Variants in LRRC45 observed in about 807,000 individuals in gnomAD.
LRRC45 encodes leucine rich repeat containing 45.
In LRRC45, 73 loss-of-function variants were observed where a neutral mutation model predicts 85.4. That is an observed-to-expected ratio of 0.85 (90% CI 0.71 to 1.04). The LOEUF is 1.04. Among genes scored for constraint, LRRC45 ranks in the 50% least tolerant of loss-of-function variants. The pLI is 0.00. For missense variants in LRRC45, 937 were observed against 883.3 expected (o/e 1.06, Z -0.77); for synonymous variants, 429 against 386.0 (o/e 1.11, Z -1.31).
At position 82,024,685 on chromosome 17, in the gene LRRC45, T is replaced by C; in HGVS notation, c.283-8T>C. ...ACGCGAGTGACTACCGGCCTGTTTCTCTCCTAGGGCAACAACCTTCGGGCT... is the reference window on the plus strand; with the variant it reads ...ACGCGAGTGACTACCGGCCTGTTTCCCTCCTAGGGCAACAACCTTCGGGCT... On this transcript the variant is annotated splice_polypyrimidine_tract_variant and splice_region_variant and intron_variant, in intron 2 of 16. Transcript: ENST00000306688. 2.5e-6 allele frequency: 4 copies of C among 1,569,152 alleles called. No individual in the cohort carries two copies. Among genetic ancestry groups the C allele is most frequent in the Non-Finnish European group, 3.4e-6 (4 of 1,161,528 alleles).
In LRRC45 at chr17:82,026,707, T is replaced by C. The variant is rs1332632420; in HGVS notation, c.662-192T>C. On this transcript the variant is annotated intron_variant, in intron 5 of 16. Coordinates refer to ENST00000306688, the MANE Select transcript of LRRC45 (RefSeq NM_144999.4). The stretch of plus-strand genomic sequence containing the variant: ...GATTTTCCTGCCTCAGCCTCCCGAG[T>C]ACCTGGGATTACAGGTGTGCGCTAC... 2.3e-5 allele frequency: 10 copies of C among 429,500 alleles called. No homozygotes were observed. The East Asian group carries it at 4.9e-4, about 21-fold the overall frequency. 26.6% of individuals were successfully genotyped at this position (429,500 alleles called of 1,614,324 possible).
intron 5 of LRRC45, among the ~76,000 whole-genome samples, chr17:82,026,597 T>TGTGTGTGTGTGTGTGTGA (rs1362768818): frequency 6.6e-6 from 1 of 151,566 alleles, no homozygotes; most frequent in Non-Finnish European, 1.5e-5. Context: ...TGTGTGTGTG[T>TGTGTGTGTGTGTGTGTGA]GTGACTGAGT....
Position 82,024,339 on chromosome 17 carries a change from G to A in LRRC45, c.282G>A (p.Lys94=). 6.2e-7 allele frequency: 1 copy of A among 1,612,354 alleles called. No individual in the cohort carries two copies. Among genetic ancestry groups the A allele is most frequent in the Non-Finnish European group, 8.5e-7 (1 of 1,179,906 alleles). ...ANTVLRFLDL[K]GNNLRAAGAE... Reference sequence around the variant, plus strand: ...CCGTGCTGCGCTTTCTGGACTTAAAGGTGAGATACCTGCACTCTTGAGTGT... The same window carrying A: ...CCGTGCTGCGCTTTCTGGACTTAAAAGTGAGATACCTGCACTCTTGAGTGT... The change falls in exon 2 of 17, where the codon AAG becomes AAA. Residue 94 remains lysine, a splice_region_variant and synonymous_variant. Transcript: ENST00000306688.
Position 82,025,448 on chromosome 17 carries a change from C to A in LRRC45, c.602C>A (p.Thr201Asn), listed in dbSNP as rs2043360423. Residue 201 changes from threonine (T) to asparagine (N), a missense_variant, in exon 5 of 17, where the codon ACC (threonine) becomes AAC (asparagine). Coordinates refer to ENST00000306688, the MANE Select transcript of LRRC45 (RefSeq NM_144999.4). ...ATGAACTGTCTCCCCAGCAACAGAACCCTGTGGAGACTGGACCTGGCTGGG... is the reference window on the plus strand; with the variant it reads ...ATGAACTGTCTCCCCAGCAACAGAAACCTGTGGAGACTGGACCTGGCTGGG... ...ALMNCLPSNRTLWRLDLAGNN... is the reference protein window; with the variant it reads ...ALMNCLPSNRNLWRLDLAGNN... 1 of 1,609,950 alleles carries A rather than the reference C, an allele frequency of 6.2e-7. No individual in the cohort carries two copies. The highest frequency in any genetic ancestry group is 1.3e-5 in the African/African-American group (1 of 74,892).
chr17:82,030,620 G>T lies in LRRC45; in HGVS notation c.1828G>T (p.Asp610Tyr). Residue 610 changes from aspartate (D) to tyrosine (Y), a missense_variant, in exon 17 of 17, where the codon GAC (aspartate) becomes TAC (tyrosine). Transcript: ENST00000306688. ...LERQLKVMASDHREALLDRES... is the reference protein window; with the variant it reads ...LERQLKVMASYHREALLDRES... ...TCCTTGCCCTGCAGTGATGGCGAGC[G>T]ACCACCGAGAGGCGCTGCTGGACAG... 7.2e-7 allele frequency: 1 copy of T among 1,396,180 alleles called. No individual in the cohort carries two copies. The highest frequency in any genetic ancestry group is 1.6e-5 in the South Asian group (1 of 62,552). 86.5% of individuals were successfully genotyped at this position (1,396,180 alleles called of 1,614,324 possible).
chr17:82,029,323 C>G (rs1435848251), intron 13 of LRRC45, 138 bp downstream of exon 13: 2 of 952,426 alleles, frequency 2.1e-6, no homozygotes, highest in Non-Finnish European at 3.1e-6. Flanking sequence ...TGGGGACCCA[C>G]CCACCAGTGT....
At chr17:82,029,725 G>C in intron 14 of LRRC45, 90 bp downstream of exon 14, 1 of 1,273,602 alleles carries the variant, frequency 7.9e-7, no homozygotes. Flanking sequence ...GGTCTGAGTG[G>C]GGAGGCGGGA....
In LRRC45 at chr17:82,024,271, TACAC is replaced by T; in HGVS notation, c.221-5_221-2del. The T allele has an allele frequency of 6.2e-7, 1 of 1,611,616 alleles. No homozygotes were observed. The highest frequency in any genetic ancestry group is 2.2e-5 in the East Asian group (1 of 44,868). On this transcript the variant is annotated splice_polypyrimidine_tract_variant and splice_region_variant and intron_variant, in intron 1 of 16. Transcript: ENST00000306688. ...GCAGAGAGTGACCGCCGGCCCCCCT[TACAC>T]AGGGGCCACACTGCTGCTCCGAGGC...
intron 5 of LRRC45, among the ~76,000 whole-genome samples, chr17:82,025,879 T>G (rs948046048): frequency 9.2e-5 from 14 of 152,202 alleles, no homozygotes; most frequent in African/African-American, 2.4e-5. Context: ...ACCCTGAGTC[T>G]GTGGCCCTGC....
rs1392394231 is a variant in LRRC45 at position 82,025,190 on chromosome 17, C to T, written c.532+12C>T. 2.5e-6 allele frequency: 4 copies of T among 1,572,952 alleles called. No individual in the cohort carries two copies. Among genetic ancestry groups the T allele is most frequent in the Non-Finnish European group, 3.5e-6 (4 of 1,157,660 alleles). ...CCTCCAGCAGCTGGGTGAGGCCTCC[C>T]AGGCGCCCTCAGGCTCCCTCATCCC... On this transcript the variant is annotated intron_variant, in intron 4 of 16. Transcript: ENST00000306688.
chr17:82,024,850 C>T (rs777951944), intron 3 of LRRC45, 87 bp downstream of exon 3: 90 of 1,464,248 alleles, frequency 6.1e-5, no homozygotes, highest in Middle Eastern at 1.8e-4. Context: ...AAGAGTTCCC[C>T]ATTGCCAGGT....
intron 14 of LRRC45, 68 bp from the exon 15 acceptor site, chr17:82,029,997 T>C: frequency 2.1e-6 from 3 of 1,458,036 alleles, no homozygotes; most frequent in Non-Finnish European, 2.7e-6. Context: ...GTCGTGCCCG[T>C]GCAGACATTC....
chr17:82,025,777 G>C (rs965692770), intron 5 of LRRC45, among the ~76,000 whole-genome samples: 1 of 152,238 alleles, frequency 6.6e-6, no homozygotes, highest in African/African-American at 2.4e-5. Flanking sequence ...TGGGGAAGCT[G>C]AGGCCGTGTG....
chr17:82,025,553 G>C (rs1489478988), intron 5 of LRRC45, 46 bp downstream of exon 5: 4 of 1,480,370 alleles, frequency 2.7e-6, no homozygotes, highest in East Asian at 4.9e-5. Context: ...CTTTGACAGA[G>C]GCCTGTCCAC....
Position 82,030,693 on chromosome 17 carries a change from C to T in LRRC45, c.1901C>T (p.Ala634Val), listed in dbSNP as rs1234247212. Residue 634 changes from alanine (A) to valine (V), a missense_variant, in exon 17 of 17, where the codon GCG (alanine) becomes GTG (valine). Transcript: ENST00000306688. Reference protein sequence around the residue: ...SLREKLRLREAEIARIRDEEA... With the variant: ...SLREKLRLREVEIARIRDEEA... ...CGGGAGAAGCTGCGGCTCCGGGAGG[C>T]GGAGATCGCCCGCATCCGGGACGAG... 3.4e-6 allele frequency: 5 copies of T among 1,491,124 alleles called. No individual in the cohort carries two copies. Among genetic ancestry groups the T allele is most frequent in the Admixed American group, 2.0e-5 (1 of 50,910 alleles). 92.4% of individuals were successfully genotyped at this position (1,491,124 alleles called of 1,614,324 possible).
chr17:82,026,806 C>T lies in LRRC45; in HGVS notation c.662-93C>T, dbSNP rs1379229756. ...TGTTGGCCAGGCTGGTCTCGAACCC[C>T]TGACCTCAGGTGATCCACCCACCTC... On this transcript the variant is annotated intron_variant, in intron 5 of 16. Transcript: ENST00000306688. 8.3e-6 allele frequency: 8 copies of T among 966,796 alleles called. No individual in the cohort carries two copies. The African/African-American group carries it at 1.3e-4, about 16-fold the overall frequency. 59.9% of individuals were successfully genotyped at this position (966,796 alleles called of 1,614,324 possible).
intron 8 of LRRC45, 22 bp downstream of exon 8, chr17:82,027,773 G>A (rs1467846293): frequency 6.2e-7 from 1 of 1,607,056 alleles, no homozygotes; most frequent in African/African-American, 1.3e-5. Flanking sequence ...GTGGCCTCAG[G>A]ATACTTCAGA....
In LRRC45 at chr17:82,023,480, C is replaced by T. The variant is rs2043331865; in HGVS notation, c.-164C>T. 2 of 616,982 alleles carry T rather than the reference C, an allele frequency of 3.2e-6. No individual in the cohort carries two copies. The highest frequency in any genetic ancestry group is 3.1e-5 in the East Asian group (1 of 32,728). The allele number at this position is 616,982 out of a possible 1,614,324, so 38.2% of individuals were successfully genotyped here. On this transcript the variant is annotated 5_prime_UTR_variant, in exon 1 of 17. Transcript: ENST00000306688. ...GGACCTTGACTACCGCCCAGCCCCGCGCTCCCAGGACCTCCCGCCCGCGGA... is the reference window on the plus strand; with the variant it reads ...GGACCTTGACTACCGCCCAGCCCCGTGCTCCCAGGACCTCCCGCCCGCGGA...
intron 1 of LRRC45, 50 bp from the exon 2 acceptor site, chr17:82,024,228 G>A: frequency 6.3e-7 from 1 of 1,598,520 alleles, no homozygotes; most frequent in Non-Finnish European, 8.5e-7. Flanking sequence ...CACGGGGAGG[G>A]CCTTGGGGTC....
Sources: gnomAD v4.1 joint callset for allele counts (sites outside exome capture counted in the v4.1 genomes callset) on GRCh38, gnomAD v4.1.1 for gene constraint, MANE v1.5 for transcripts, NCBI Gene and HGNC (gene_info 2026-07-23, HGNC 2026-07-21) for gene names.